Variants in PCDHA1 observed in about 807,000 individuals in gnomAD.
PCDHA1 encodes protocadherin alpha-1.
A neutral mutation model predicts 61.3 loss-of-function variants in PCDHA1; 42 were observed. The observed-to-expected ratio is 0.69, with a 90% CI of 0.54 to 0.89. The LOEUF (loss-of-function observed/expected upper bound fraction) is 0.89, where lower values mean the gene tolerates loss of function less well. PCDHA1 is among the 40% of genes least tolerant of loss of function. The pLI, the probability that PCDHA1 is intolerant of heterozygous loss-of-function variation, is 0.00. For synonymous variants in PCDHA1, 610 were observed against 553.8 expected (o/e 1.10, Z -1.43); for missense variants, 1,256 against 1,235.3 (o/e 1.02, Z -0.25).
chr5:140,967,342 C>T (rs149890293), intron 1 of PCDHA1: 40 of 1,607,992 alleles, frequency 2.5e-5, no homozygotes, highest in Non-Finnish European at 3.4e-5. Context: ...CCAGCGAGCA[C>T]TTCGAGCTGG....
At chr5:140,877,196 G>C (rs782703953) in intron 1 of PCDHA1, 1 of 1,613,808 alleles carries the variant, frequency 6.2e-7, no homozygotes, top group East Asian at 2.2e-5. Context: ...AGCGCAGGAG[G>C]CGCAGTTAGC....
intron 1 of PCDHA1, chr5:140,807,531 A>G: frequency 1.2e-6 from 2 of 1,614,140 alleles, no homozygotes; most frequent in Non-Finnish European, 1.7e-6. Context: ...AGGCCGCTGC[A>G]GGTTTTCCAT....
chr5:140,982,413 G>A, intron 2 of PCDHA1, 62 bp from the exon 3 acceptor site: 2 of 1,609,608 alleles, frequency 1.2e-6, no homozygotes, highest in Non-Finnish European at 1.7e-6. Flanking sequence ...TTCTGAGGGT[G>A]GAAGAAGAGA....
At chr5:140,841,894 G>C in intron 1 of PCDHA1, 1 of 1,613,814 alleles carries the variant, frequency 6.2e-7, no homozygotes. Flanking sequence ...AGAATAAACT[G>C]GTTGAGCTCG....
chr5:140,876,313 A>T, intron 1 of PCDHA1: 1 of 1,614,022 alleles, frequency 6.2e-7, no homozygotes, highest in East Asian at 2.2e-5. Flanking sequence ...TTCCTATGGG[A>T]TCAAAATGAT....
At chr5:140,819,337 T>A (rs2150103894) in intron 1 of PCDHA1, among the ~76,000 whole-genome samples, 1 of 152,302 alleles carries the variant, frequency 6.6e-6, no homozygotes, top group East Asian at 1.9e-4. Context: ...AAAGGACATT[T>A]GTACCCTTAT....
At chr5:140,891,419 C>T (rs925275455) in intron 1 of PCDHA1, among the ~76,000 whole-genome samples, 1 of 147,378 alleles carries the variant, frequency 6.8e-6, no homozygotes, top group African/African-American at 2.5e-5. Flanking sequence ...CACTCTTGCC[C>T]CCAAGTCCCC....
At chr5:140,921,704 A>T (rs1465184855) in intron 1 of PCDHA1, among the ~76,000 whole-genome samples, 8 of 152,234 alleles carry the variant, frequency 5.3e-5, no homozygotes, top group African/African-American at 1.9e-4. Flanking sequence ...AATTTTAAAC[A>T]GTAAACACAC....
At chr5:140,880,084 T>TAGTA (rs2058231039) in intron 1 of PCDHA1, among the ~76,000 whole-genome samples, 1 of 152,208 alleles carries the variant, frequency 6.6e-6, no homozygotes. Context: ...CAACCTATTA[T>TAGTA]AGTAGGCTTA....
At chr5:140,863,142 G>C (rs782245937) in intron 1 of PCDHA1, 1 of 609,728 alleles carries the variant, frequency 1.6e-6, no homozygotes. Flanking sequence ...TGCTGGTGCT[G>C]GTGAAGGACC....
chr5:140,801,222 C>A (rs781901922), intron 1 of PCDHA1: 1 of 1,610,296 alleles, frequency 6.2e-7, no homozygotes, highest in Non-Finnish European at 8.5e-7. Flanking sequence ...GCGAGAAGAT[C>A]CTGGAGCCCA....
chr5:140,856,524 C>G, intron 1 of PCDHA1: 1 of 1,598,296 alleles, frequency 6.3e-7, no homozygotes, highest in Non-Finnish European at 8.6e-7. Context: ...GCATCTGATG[C>G]GGATGTTGGA....
intron 1 of PCDHA1, chr5:140,806,953 G>A: frequency 1.7e-6 from 1 of 591,132 alleles, no homozygotes; most frequent in South Asian, 2.2e-5. Context: ...AGTGTGTGGG[G>A]GTTTCCACAA....
chr5:140,871,247 T>C (rs1340682715), intron 1 of PCDHA1: 1 of 1,613,990 alleles, frequency 6.2e-7, no homozygotes, highest in Non-Finnish European at 8.5e-7. Context: ...CTCACGCTGC[T>C]GCTGTATACG....
chr5:140,949,550 G>A (rs1195934854), intron 1 of PCDHA1, among the ~76,000 whole-genome samples: 11 of 151,608 alleles, frequency 7.3e-5, no homozygotes, highest in Admixed American at 7.2e-4. Flanking sequence ...TTTGTTGCTG[G>A]TCATACTTTT....
At chr5:140,976,486 G>T (rs782708902) in intron 1 of PCDHA1, among the ~76,000 whole-genome samples, 1 of 152,078 alleles carries the variant, frequency 6.6e-6, no homozygotes, top group Non-Finnish European at 1.5e-5. Context: ...GGGAGGCAGA[G>T]GTTGCAGGGA....
intron 1 of PCDHA1, chr5:140,967,306 C>A (rs1554229415): frequency 1.2e-6 from 2 of 1,612,350 alleles, no homozygotes; most frequent in Non-Finnish European, 1.7e-6. Context: ...TGGGCGCCAA[C>A]TCAGTACAGA....
At chr5:140,936,266 A>G (rs1407459228) in intron 1 of PCDHA1, among the ~76,000 whole-genome samples, 1 of 152,182 alleles carries the variant, frequency 6.6e-6, no homozygotes, top group African/African-American at 2.4e-5. Context: ...TCATGAAGAT[A>G]TATTCCTGTG....
chr5:140,986,545 G>T (rs1554248133), intron 3 of PCDHA1, among the ~76,000 whole-genome samples: 1 of 152,172 alleles, frequency 6.6e-6, no homozygotes, highest in East Asian at 1.9e-4. Context: ...GCTTCAGTGG[G>T]CCAGGCTGCT....
Sources: gnomAD v4.1 joint callset for allele counts (sites outside exome capture counted in the v4.1 genomes callset) on GRCh38, gnomAD v4.1.1 for gene constraint, MANE v1.5 for transcripts, NCBI Gene and HGNC (gene_info 2026-07-23, HGNC 2026-07-21) for gene names.